Variants in ZHX2 observed in about 807,000 individuals in gnomAD.
ZHX2 encodes zinc fingers and homeoboxes 2.
In ZHX2, 6 loss-of-function variants were observed where a neutral mutation model predicts 21.9. That is an observed-to-expected ratio of 0.27 (90% confidence interval 0.15 to 0.54). ZHX2 has a LOEUF of 0.54. Ranked by LOEUF, ZHX2 falls within the 20% of genes least tolerant of loss-of-function variation. The pLI, the probability that ZHX2 is intolerant of heterozygous loss-of-function variation, is 0.95. For missense variants in ZHX2, 908 were observed against 1,090.7 expected (o/e 0.83, Z 2.36); for synonymous variants, 434 against 437.1 (o/e 0.99, Z 0.09).
At chr8:122,944,994 C>T (rs1158899518) in intron 2 of ZHX2, among the ~76,000 whole-genome samples, 1 of 152,042 alleles carries the variant, frequency 6.6e-6, no homozygotes, top group Non-Finnish European at 1.5e-5. Context: ...GAGGGAAGAC[C>T]TCAGAAAGAC....
chr8:122,792,387 G>A (rs1563731927), intron 1 of ZHX2, among the ~76,000 whole-genome samples: 1 of 152,108 alleles, frequency 6.6e-6, no homozygotes, highest in Non-Finnish European at 1.5e-5. Flanking sequence ...TAGACAATCG[G>A]GTTGTTTCTG....
At chr8:122,903,985 GAA>G (rs1820290469) in intron 2 of ZHX2, among the ~76,000 whole-genome samples, 1 of 152,176 alleles carries the variant, frequency 6.6e-6, no homozygotes, top group Non-Finnish European at 1.5e-5. Context: ...ATAAGACCCT[GAA>G]AAGTGGAAGG....
chr8:122,781,624 T>C (rs1817286463), upstream of ZHX2: 1 of 152,556 alleles, frequency 6.6e-6, no homozygotes, highest in Non-Finnish European at 1.5e-5. The surrounding 1 kb of genome is among the most constrained non-coding windows in gnomAD (Gnocchi z 4.6). Flanking sequence ...GGTGGTATCG[T>C]ATGCAAATAC....
intron 1 of ZHX2, among the ~76,000 whole-genome samples, chr8:122,858,147 T>G (rs1819073476): frequency 6.6e-6 from 1 of 152,186 alleles, no homozygotes; most frequent in African/African-American, 2.4e-5. Context: ...TTGCTCTTAT[T>G]TCTGGTCTGG....
At chr8:122,960,303 C>G (rs1347259511) in intron 3 of ZHX2, among the ~76,000 whole-genome samples, 2 of 152,098 alleles carry the variant, frequency 1.3e-5, no homozygotes, top group African/African-American at 4.8e-5. Context: ...CTTTGGGAGG[C>G]TGAGTCACAC....
chr8:122,823,356 G>A (rs961314873), intron 1 of ZHX2, among the ~76,000 whole-genome samples: 1 of 152,346 alleles, frequency 6.6e-6, no homozygotes, highest in Middle Eastern at 3.4e-3. Context: ...AGGCCATCTC[G>A]TCTAACCATG....
At chr8:122,904,806 G>A (rs183811592) in intron 2 of ZHX2, among the ~76,000 whole-genome samples, 59 of 152,172 alleles carry the variant, frequency 3.9e-4, no homozygotes, top group African/African-American at 1.2e-3. Context: ...CAAAATGAAC[G>A]ATTAAAGACA....
At chr8:122,854,660 A>C (rs1367999405) in intron 1 of ZHX2, among the ~76,000 whole-genome samples, 2 of 152,182 alleles carry the variant, frequency 1.3e-5, no homozygotes. Flanking sequence ...GGCACTGGCC[A>C]CCTGAGTGAA....
chr8:122,810,799 T>TTTA (rs1376321225), intron 1 of ZHX2, among the ~76,000 whole-genome samples: 2 of 152,088 alleles, frequency 1.3e-5, no homozygotes, highest in Non-Finnish European at 2.9e-5. Flanking sequence ...CTTTTTTTTT[T>TTTA]TTATTATTAT....
At position 122,782,485 on chromosome 8, in the gene ZHX2, G is replaced by A. The variant is rs1370280618; in HGVS notation, c.-283+539G>A. Among the ~76,000 whole-genome samples the A allele has an allele frequency of 6.6e-6, 1 of 152,124 alleles. No homozygotes were observed. Among genetic ancestry groups the A allele is most frequent in the Non-Finnish European group, 1.5e-5 (1 of 68,012 alleles). ...TCTCCGCGCGTTTTGGCAGGCGGGG[G>A]GCTGCGTGTGTCTGCTCCCCTCCCT... is the stretch of plus-strand genomic sequence containing the variant. On this transcript the variant is annotated intron_variant, in intron 1 of 3. Transcript: ENST00000314393. This position sits in a 1 kb window ranked among gnomAD's most constrained non-coding sequence, Gnocchi z 5.3.
chr8:122,941,663 CAA>C (rs67837735), intron 2 of ZHX2, among the ~76,000 whole-genome samples: 150 of 132,812 alleles, frequency 1.1e-3, no homozygotes, highest in Middle Eastern at 3.9e-3. Context: ...TTAGTTGCAG[CAA>C]AAAAAAAAAA....
At chr8:122,935,571 T>C (rs1812664159) in intron 2 of ZHX2, among the ~76,000 whole-genome samples, 1 of 147,946 alleles carries the variant, frequency 6.8e-6, no homozygotes, top group Admixed American at 7.0e-5. Context: ...AGTCTCACTC[T>C]GTCACCCAGG....
intron 2 of ZHX2, among the ~76,000 whole-genome samples, chr8:122,908,650 G>T (rs565354383): frequency 1.3e-5 from 2 of 150,526 alleles, no homozygotes; most frequent in East Asian, 3.9e-4. Flanking sequence ...ACCTGAAACT[G>T]TAACAAATAT....
chr8:122,919,202 CT>C (rs1422650429), intron 2 of ZHX2, among the ~76,000 whole-genome samples: 7 of 152,202 alleles, frequency 4.6e-5, no homozygotes, highest in African/African-American at 1.7e-4. Flanking sequence ...TTTTGCATCT[CT>C]TACTCATCTC....
At chr8:122,933,628 T>C (rs979576084) in intron 2 of ZHX2, among the ~76,000 whole-genome samples, 1 of 152,160 alleles carries the variant, frequency 6.6e-6, no homozygotes, top group Non-Finnish European at 1.5e-5. Context: ...GCCGCTATGC[T>C]TCAAAATATG....
chr8:122,796,247 A>C (rs1280255294), intron 1 of ZHX2, among the ~76,000 whole-genome samples: 1 of 151,886 alleles, frequency 6.6e-6, no homozygotes, highest in Non-Finnish European at 1.5e-5. Flanking sequence ...ACTAGAGTTT[A>C]AGATTTTGCT....
chr8:122,863,158 A>G (rs1367858715), intron 1 of ZHX2, among the ~76,000 whole-genome samples: 2 of 152,064 alleles, frequency 1.3e-5, no homozygotes, highest in Non-Finnish European at 2.9e-5. Flanking sequence ...ACTGAGGTTA[A>G]AGAGAGGCCT....
chr8:122,953,103 G>C lies in ZHX2; in HGVS notation c.1593G>C (p.Gln531His). Residue 531 changes from glutamine (Q) to histidine (H), a missense_variant, in exon 3 of 4, where the codon CAG (glutamine) becomes CAC (histidine). Physicochemically the swap from Gln to His is conservative, Grantham distance 24 (BLOSUM62 0). Coordinates refer to ENST00000314393, the MANE Select transcript of ZHX2 (RefSeq NM_014943.5). The surrounding 1 kb of genome is among the most constrained non-coding windows in gnomAD (Gnocchi z 4.6). Reference sequence around the variant, plus strand: ...ATGCGTACCCAGACTTTGCCCCCCAGAAGTTCAAAGAGAAAACACAGGGTC... The same window carrying C: ...ATGCGTACCCAGACTTTGCCCCCCACAAGTTCAAAGAGAAAACACAGGGTC... The part of the protein sequence containing the change: ...TYHAYPDFAP[Q>H]KFKEKTQGQV... The C allele has an allele frequency of 6.2e-7, 1 of 1,613,908 alleles. No individual in the cohort carries two copies. The highest frequency in any genetic ancestry group is 8.5e-7 in the Non-Finnish European group (1 of 1,180,008).
chr8:122,836,166 C>G (rs982298748), intron 1 of ZHX2, among the ~76,000 whole-genome samples: 2 of 152,186 alleles, frequency 1.3e-5, no homozygotes, highest in African/African-American at 2.4e-5. Context: ...GAGGCACCCC[C>G]CTAAGGCCAG....
Sources: allele counts gnomAD v4.1 joint callset (sites outside exome capture counted in the v4.1 genomes callset), GRCh38; gene constraint gnomAD v4.1.1; non-coding constraint Gnocchi (gnomAD v3.1); transcripts MANE v1.5; gene names NCBI Gene and HGNC (gene_info 2026-07-23, HGNC 2026-07-21).